Variants in GAD2 observed in about 807,000 individuals in gnomAD.
GAD2 encodes 65 kDa glutamic acid decarboxylase.
Under a neutral mutation model 80.1 loss-of-function variants are expected in GAD2, and 22 were observed. That is an observed-to-expected ratio of 0.27 (90% CI 0.20 to 0.39). The LOEUF (loss-of-function observed/expected upper bound fraction) is 0.39, where lower values mean the gene tolerates loss of function less well. Among genes scored for constraint, GAD2 ranks in the 10% least tolerant of loss-of-function variants. The pLI is 1.00. For missense variants in GAD2, 624 were observed against 738.4 expected (o/e 0.85, Z 1.80); for synonymous variants, 274 against 256.9 (o/e 1.07, Z -0.64).
intron 7 of GAD2, among the ~76,000 whole-genome samples, chr10:26,241,337 C>A (rs942239597): frequency 3.9e-5 from 6 of 152,142 alleles, no homozygotes; most frequent in African/African-American, 1.4e-4. Context: ...ATTCTTGTAG[C>A]TTCCAATTTT....
At chr10:26,262,268 A>G (rs1210457288) in intron 8 of GAD2, among the ~76,000 whole-genome samples, 2 of 125,408 alleles carry the variant, frequency 1.6e-5, no homozygotes, top group Non-Finnish European at 3.2e-5. Context: ...CTTGGTTATT[A>G]GTTTTTTTTT....
chr10:26,254,060 C>T (rs8190675), intron 8 of GAD2, among the ~76,000 whole-genome samples: 1,620 of 152,162 alleles, frequency 0.011, 28 homozygotes, highest in African/African-American at 0.037. Context: ...ATTTTTGAGA[C>T]GGAGTCTCAC....
At chr10:26,289,792 C>T (rs1372251007) in intron 13 of GAD2, among the ~76,000 whole-genome samples, 1 of 136,928 alleles carries the variant, frequency 7.3e-6, no homozygotes, top group Non-Finnish European at 1.5e-5. Context: ...CTCCCCCCCA[C>T]CTTTTTTTTT....
intron 6 of GAD2, among the ~76,000 whole-genome samples, chr10:26,228,707 G>A (rs1018181250): frequency 5.3e-5 from 8 of 152,190 alleles, no homozygotes; most frequent in Admixed American, 1.3e-4. Context: ...CTGCGCATGC[G>A]AGGGATCTAG....
Position 26,298,072 on chromosome 10 carries a change from C to G in GAD2, c.1585-2716C>G, listed in dbSNP as rs573947404. Among the ~76,000 whole-genome samples the G allele has an allele frequency of 2.2e-4, 34 of 152,224 alleles. 2 individuals are homozygous for G. In the South Asian group the frequency reaches 6.8e-3, roughly 31 times the overall value. On this transcript the variant is annotated intron_variant, in intron 15 of 15. Transcript: ENST00000376261. ...CTGGCTTAAGGTCTGCAATTGCTTA[C>G]CAGGAAAGAATGTGTGTAAGGTCAG...
At chr10:26,255,530 G>A (rs1844931823) in intron 8 of GAD2, among the ~76,000 whole-genome samples, 4 of 151,690 alleles carry the variant, frequency 2.6e-5, no homozygotes, top group Admixed American at 2.6e-4. Flanking sequence ...GTTGTTTAAA[G>A]GAGAGGGGCT....
intron 7 of GAD2, among the ~76,000 whole-genome samples, chr10:26,230,986 A>T (rs1844593928): frequency 6.6e-6 from 1 of 152,136 alleles, no homozygotes; most frequent in Non-Finnish European, 1.5e-5. Flanking sequence ...GCTACTCAGG[A>T]GGCTGAGGCA....
At chr10:26,219,937 AG>A (rs1168245305) in intron 4 of GAD2, among the ~76,000 whole-genome samples, 1 of 151,912 alleles carries the variant, frequency 6.6e-6, no homozygotes, top group African/African-American at 2.4e-5. Flanking sequence ...AAAGGGGGGG[AG>A]GGGCAAATCA....
intron 15 of GAD2, among the ~76,000 whole-genome samples, chr10:26,296,459 G>A (rs1245392687): frequency 6.6e-6 from 1 of 152,188 alleles, no homozygotes; most frequent in East Asian, 1.9e-4. Context: ...ATATCTTCAT[G>A]AGGGTGGTAA....
chr10:26,220,667 ATTTT>A (rs1266835422), intron 4 of GAD2, among the ~76,000 whole-genome samples: 1 of 152,130 alleles, frequency 6.6e-6, no homozygotes, highest in Non-Finnish European at 1.5e-5. Context: ...CTTTTAATTC[ATTTT>A]TTGACCCATT....
chr10:26,225,551 G>A (rs774856366), intron 6 of GAD2, among the ~76,000 whole-genome samples: 1 of 152,150 alleles, frequency 6.6e-6, no homozygotes, highest in Non-Finnish European at 1.5e-5. Flanking sequence ...ACCTGTCGTT[G>A]TGTCAGACAG....
chr10:26,284,912 T>G (rs1845314953), intron 12 of GAD2, among the ~76,000 whole-genome samples: 1 of 152,182 alleles, frequency 6.6e-6, no homozygotes, highest in South Asian at 2.1e-4. Flanking sequence ...TTGTTTTCTT[T>G]ATCACAGTAG....
chr10:26,278,507 G>C (rs1845237275), intron 11 of GAD2, among the ~76,000 whole-genome samples: 1 of 152,216 alleles, frequency 6.6e-6, no homozygotes. Context: ...CAGCCAGGAA[G>C]TGATGAAACC....
At chr10:26,219,385 CAA>C (rs1844425694) in intron 4 of GAD2, 109 bp downstream of exon 4, 1 of 710,328 alleles carries the variant, frequency 1.4e-6, no homozygotes, top group South Asian at 2.2e-5. Context: ...TTCAAAATTG[CAA>C]AGTTATTTTC....
intron 15 of GAD2, among the ~76,000 whole-genome samples, chr10:26,295,905 C>T (rs1256453055): frequency 6.6e-6 from 1 of 152,160 alleles, no homozygotes; most frequent in Non-Finnish European, 1.5e-5. Flanking sequence ...TACCATCTTG[C>T]CTGATTCATA....
chr10:26,293,176 T>C (rs1398718817), intron 15 of GAD2, among the ~76,000 whole-genome samples, 185 bp downstream of exon 15: 1 of 121,974 alleles, frequency 8.2e-6, no homozygotes, highest in East Asian at 2.4e-4. Context: ...TTTCTTCTTT[T>C]TTTTTTTTTT....
At position 26,266,375 on chromosome 10, in the gene GAD2, A is replaced by T. The variant is rs1322351784; in HGVS notation, c.921-2744A>T. Among the ~76,000 whole-genome samples, 6 of 152,258 alleles carry T rather than the reference A, an allele frequency of 3.9e-5. No individual in the cohort carries two copies. The East Asian group carries it at 1.2e-3, about 29-fold the overall frequency. The stretch of plus-strand genomic sequence containing the variant: ...TTATGCTCACTAAATTTTAAGAACC[A>T]GCGTTCTAAGGTAATCCGGCCAATT... On this transcript the variant is annotated intron_variant, in intron 8 of 15. Coordinates refer to ENST00000376261, the MANE Select transcript of GAD2 (RefSeq NM_001134366.2).
At chr10:26,249,468 G>C (rs1844852905) in intron 8 of GAD2, among the ~76,000 whole-genome samples, 1 of 152,224 alleles carries the variant, frequency 6.6e-6, no homozygotes, top group Admixed American at 6.5e-5. Context: ...TTAATCTGTA[G>C]TTGATCTGTT....
chr10:26,255,837 A>G (rs914723147), intron 8 of GAD2, among the ~76,000 whole-genome samples: 6 of 152,146 alleles, frequency 3.9e-5, no homozygotes, highest in East Asian at 1.9e-4. Context: ...TCAAATCCTA[A>G]AATTGGAAGG....
Sources: allele counts gnomAD v4.1 joint callset (sites outside exome capture counted in the v4.1 genomes callset), GRCh38; gene constraint gnomAD v4.1.1; transcripts MANE v1.5; gene names NCBI Gene and HGNC (gene_info 2026-07-23, HGNC 2026-07-21).